TXNL4A: variants seen among roughly 807,000 people sequenced by gnomAD.
TXNL4A encodes thioredoxin like 4A.
In TXNL4A, 17 loss-of-function variants were observed where a neutral mutation model predicts 14.6. The ratio of observed to expected loss-of-function variants is 1.16; its 90% CI spans 0.80 to 1.74. TXNL4A has a LOEUF of 1.74. Among genes scored for constraint, TXNL4A ranks in the 40% most tolerant of loss-of-function variants. The pLI, the probability that TXNL4A is intolerant of heterozygous loss-of-function variation, is 0.00. For missense variants in TXNL4A, 74 were observed against 195.2 expected (o/e 0.38, Z 3.70); for synonymous variants, 83 against 70.6 (o/e 1.18, Z -0.88).
Position 79,982,012 on chromosome 18 carries a change from CG to C in TXNL4A, c.154-4312del, listed in dbSNP as rs2051472122. 6.6e-6 allele frequency among the ~76,000 whole-genome samples: 1 copy of C among 152,160 alleles called. No homozygotes were observed. Among genetic ancestry groups the C allele is most frequent in the African/African-American group, 2.4e-5 (1 of 41,436 alleles). On this transcript the variant is annotated intron_variant, in intron 1 of 2. Transcript: ENST00000269601. The surrounding 1 kb of genome is among the most constrained non-coding windows in gnomAD (Gnocchi z 4.0). ...GTCACGTGAGTGATGCCCAGCCGCA[CG>C]GGGAAGGGGCAGAGCTGAGATGCAC...
intron 1 of TXNL4A, among the ~76,000 whole-genome samples, chr18:80,032,219 G>A: frequency 6.6e-6 from 1 of 152,018 alleles, no homozygotes; most frequent in South Asian, 2.1e-4. Flanking sequence ...CGGAGGACTT[G>A]AACTTCTAGG....
chr18:79,973,871 A>G lies in TXNL4A; in HGVS notation c.258-15T>C. 6.2e-7 allele frequency: 1 copy of G among 1,612,244 alleles called. No homozygotes were observed. Among genetic ancestry groups the G allele is most frequent in the Non-Finnish European group, 8.5e-7 (1 of 1,179,206 alleles). On this transcript the variant is annotated splice_polypyrimidine_tract_variant and intron_variant, in intron 2 of 2. Transcript: ENST00000269601. ...TGTGCTTGTTCCTGCAACGAGAAAC[A>G]AGGGCATCCATTCTCATAGAAGTCT...
chr18:80,009,514 T>A (rs1449610744), intron 1 of TXNL4A, among the ~76,000 whole-genome samples: 2 of 152,174 alleles, frequency 1.3e-5, no homozygotes, highest in African/African-American at 4.8e-5. Flanking sequence ...GGCAAGTTTA[T>A]ACGGGTCTGC....
intron 1 of TXNL4A, among the ~76,000 whole-genome samples, chr18:79,986,442 C>CAA (rs35507372): frequency 1.8e-4 from 28 of 151,602 alleles, no homozygotes; most frequent in Non-Finnish European, 3.8e-4. Context: ...TTTAAAAGAC[C>CAA]AAAAAAAATA....
chr18:79,981,757 G>A (rs1215744410), intron 1 of TXNL4A, among the ~76,000 whole-genome samples: 1 of 152,200 alleles, frequency 6.6e-6, no homozygotes, highest in East Asian at 1.9e-4. Context: ...TTGCCTTCAA[G>A]CTCCGGCCCA....
At chr18:80,017,299 C>T (rs2051818021) in intron 1 of TXNL4A, among the ~76,000 whole-genome samples, 1 of 152,202 alleles carries the variant, frequency 6.6e-6, no homozygotes, top group African/African-American at 2.4e-5. Context: ...ACAATCATGT[C>T]ATCTGCAAAC....
chr18:80,031,885 T>G (rs1599760493), intron 1 of TXNL4A, among the ~76,000 whole-genome samples: 2 of 152,246 alleles, frequency 1.3e-5, no homozygotes, highest in African/African-American at 4.8e-5. Context: ...GTTTGGATTC[T>G]GGGGAACTTG....
chr18:80,009,717 C>A (rs1311845947), intron 1 of TXNL4A, among the ~76,000 whole-genome samples: 1 of 152,132 alleles, frequency 6.6e-6, no homozygotes, highest in African/African-American at 2.4e-5. Context: ...GATGAGTGTC[C>A]CACCTGACCC....
At chr18:79,978,789 T>A (rs192768600) in intron 1 of TXNL4A, among the ~76,000 whole-genome samples, 43 of 149,424 alleles carry the variant, frequency 2.9e-4, no homozygotes, top group Admixed American at 2.5e-3. Flanking sequence ...CCACCACGCC[T>A]GGCAATATTT....
At chr18:79,989,972 G>T (rs2051614783), upstream of TXNL4A, among the ~76,000 whole-genome samples, 1 of 152,184 alleles carries the variant, frequency 6.6e-6, no homozygotes, top group Non-Finnish European at 1.5e-5. Context: ...CTCCAGCCTG[G>T]GTGACAGAGT....
chr18:80,006,383 CA>C (rs34508020), intron 1 of TXNL4A, among the ~76,000 whole-genome samples: 115,893 of 149,210 alleles, frequency 0.78, 45,736 homozygotes, highest in East Asian at 0.91. Context: ...GACTCTGTCT[CA>C]AAAAAAAAAG....
chr18:79,975,824 GTC>G (rs973908965), intron 2 of TXNL4A, among the ~76,000 whole-genome samples: 5 of 152,182 alleles, frequency 3.3e-5, no homozygotes, highest in African/African-American at 1.2e-4. Context: ...TCCAAGCAAA[GTC>G]TCGGAGGTGC....
At chr18:80,017,480 TATG>T (rs2051819619) in intron 1 of TXNL4A, among the ~76,000 whole-genome samples, 1 of 152,060 alleles carries the variant, frequency 6.6e-6, no homozygotes. Flanking sequence ...GCCCATTCAG[TATG>T]ATATTGGCTG....
intron 1 of TXNL4A, among the ~76,000 whole-genome samples, chr18:80,020,184 C>T (rs1259956133): frequency 6.6e-6 from 1 of 152,212 alleles, no homozygotes; most frequent in Non-Finnish European, 1.5e-5. Flanking sequence ...GTGACTTCCT[C>T]CTCCTATTTC....
intron 1 of TXNL4A, among the ~76,000 whole-genome samples, chr18:80,021,301 C>T (rs1251750325): frequency 2.0e-5 from 3 of 152,042 alleles, no homozygotes; most frequent in South Asian, 2.1e-4. Flanking sequence ...CTCAGCCTCC[C>T]GAGTAGCTGG....
intron 1 of TXNL4A, among the ~76,000 whole-genome samples, chr18:80,030,924 G>A (rs544805568): frequency 3.3e-4 from 50 of 152,254 alleles, no homozygotes; most frequent in African/African-American, 1.2e-3. Context: ...CTGAGAACAC[G>A]CCACTGCACT....
chr18:80,033,268 T>C (rs556425022), intron 1 of TXNL4A, among the ~76,000 whole-genome samples: 4 of 147,006 alleles, frequency 2.7e-5, no homozygotes, highest in African/African-American at 1.0e-4. Flanking sequence ...TATGCACACA[T>C]ACACATGTAC....
At chr18:79,974,966 G>A (rs1469051902) in intron 2 of TXNL4A, among the ~76,000 whole-genome samples, 4 of 152,026 alleles carry the variant, frequency 2.6e-5, no homozygotes, top group Non-Finnish European at 4.4e-5. Flanking sequence ...AGTATTCCCC[G>A]TGAAGTCTCT....
At chr18:80,013,361 T>A (rs1279463558) in intron 1 of TXNL4A, among the ~76,000 whole-genome samples, 1 of 151,096 alleles carries the variant, frequency 6.6e-6, no homozygotes, top group African/African-American at 2.4e-5. Flanking sequence ...TACCTCATGA[T>A]CCCCCCGCCT....
Sources: gnomAD v4.1 joint callset for allele counts (sites outside exome capture counted in the v4.1 genomes callset) on GRCh38, gnomAD v4.1.1 for gene constraint, Gnocchi (gnomAD v3.1) non-coding constraint, MANE v1.5 for transcripts, NCBI Gene and HGNC (gene_info 2026-07-23, HGNC 2026-07-21) for gene names.